C3orf49: variants seen among roughly 807,000 people sequenced by gnomAD.
C3orf49 encodes the protein chromosome 3 open reading frame 49.
A neutral mutation model predicts 13.3 loss-of-function variants in C3orf49; 27 were observed. That is an observed-to-expected ratio of 2.02 (90% CI 1.49 to 2.79). The LOEUF is 2.79. C3orf49 is among the 30% of genes most tolerant of loss of function. The pLI, the probability that C3orf49 is intolerant of heterozygous loss-of-function variation, is 0.00. For synonymous variants in C3orf49, 87 were observed against 47.6 expected (o/e 1.83, Z -3.40); for missense variants, 242 against 134.2 (o/e 1.80, Z -3.97).
the C3orf49 span, among the ~76,000 whole-genome samples, chr3:63,783,525 T>TACACACACAC: frequency 7.1e-3 from 933 of 132,008 alleles, 9 homozygotes; most frequent in East Asian, 0.016. Context: ...TACTAAAAAT[T>TACACACACAC]ACACACACAC....
At chr3:63,826,924 G>A (rs2130990) in intron 2 of C3orf49, 76,514 of 151,434 alleles carry the variant, frequency 0.51, 20,440 homozygotes, top group South Asian at 0.64. Context: ...ACTCCAGCCT[G>A]TGCGACAGAG....
At chr3:63,847,432 G>A (rs1330804118) in intron 6 of C3orf49, among the ~76,000 whole-genome samples, 1 of 152,094 alleles carries the variant, frequency 6.6e-6, no homozygotes, top group Non-Finnish European at 1.5e-5. Context: ...TCTCCAAAAA[G>A]CTATATCAGA....
chr3:63,805,549 C>T, the C3orf49 span, among the ~76,000 whole-genome samples: 1 of 152,202 alleles, frequency 6.6e-6, no homozygotes, highest in African/African-American at 2.4e-5. Flanking sequence ...GCTCAGCAAC[C>T]AGCATAAGCT....
chr3:63,841,058 C>G (rs1222003869), intron 5 of C3orf49, among the ~76,000 whole-genome samples: 3 of 152,166 alleles, frequency 2.0e-5, no homozygotes, highest in Non-Finnish European at 4.4e-5. Context: ...AATGATGAAA[C>G]ATTCACATAA....
chr3:63,827,845 G>C (rs910375995), intron 3 of C3orf49, 120 bp downstream of exon 3: 2 of 567,196 alleles, frequency 3.5e-6, no homozygotes, highest in African/African-American at 3.7e-5. Flanking sequence ...TAAATCTGCT[G>C]CTTCTGTCTC....
the C3orf49 span, among the ~76,000 whole-genome samples, chr3:63,793,463 A>C: frequency 6.6e-6 from 1 of 151,642 alleles, no homozygotes; most frequent in South Asian, 2.1e-4. Flanking sequence ...TTCTCTGGAC[A>C]ATTCCCTCTC....
the C3orf49 span, among the ~76,000 whole-genome samples, chr3:63,793,118 C>T: frequency 6.6e-6 from 1 of 152,122 alleles, no homozygotes; most frequent in African/African-American, 2.4e-5. Flanking sequence ...CCAAAGAGCT[C>T]TTTCTGTTCC....
the C3orf49 span, among the ~76,000 whole-genome samples, chr3:63,783,565 C>T: frequency 7.5e-6 from 1 of 134,108 alleles, no homozygotes; most frequent in Non-Finnish European, 1.6e-5. Flanking sequence ...CACACACACA[C>T]AAATTAGCCA....
intron 1 of C3orf49, among the ~76,000 whole-genome samples, chr3:63,822,919 A>G (rs1446215114): frequency 6.6e-6 from 1 of 152,238 alleles, no homozygotes; most frequent in African/African-American, 2.4e-5. Flanking sequence ...CAACAGTCAG[A>G]CCTGGATTAA....
At chr3:63,824,991 C>T (rs1053286497) in intron 2 of C3orf49, among the ~76,000 whole-genome samples, 3 of 152,242 alleles carry the variant, frequency 2.0e-5, no homozygotes, top group African/African-American at 2.4e-5. Flanking sequence ...TAGAGTGGTA[C>T]ATTTACAATC....
chr3:63,817,242 A>C (rs567806809), upstream of C3orf49, among the ~76,000 whole-genome samples: 1 of 151,968 alleles, frequency 6.6e-6, no homozygotes, highest in South Asian at 2.1e-4. Context: ...GCTCCATCTA[A>C]AGTCACTCCT....
intron 5 of C3orf49, chr3:63,834,277 T>G: frequency 7.3e-7 from 1 of 1,369,730 alleles, no homozygotes; most frequent in Non-Finnish European, 1.0e-6. Flanking sequence ...GAAAACATGT[T>G]TATCCTTTAT....
At chr3:63,786,607 T>C in the C3orf49 span, among the ~76,000 whole-genome samples, 7 of 152,258 alleles carry the variant, frequency 4.6e-5, no homozygotes, top group Admixed American at 2.6e-4. Flanking sequence ...TGAATTTGTA[T>C]GTGTAGGCAC....
chr3:63,789,475 T>G, the C3orf49 span, among the ~76,000 whole-genome samples: 1 of 152,148 alleles, frequency 6.6e-6, no homozygotes, highest in Non-Finnish European at 1.5e-5. Flanking sequence ...TTTGGGACTA[T>G]GTAGAGTAGA....
rs1701424443 is a variant in C3orf49 at position 63,823,415 on chromosome 3, G to T, written c.291G>T (p.Lys97Asn). The change falls in exon 2 of 7, where the codon AAG (lysine) becomes AAT (asparagine). Residue 97 changes from lysine (K) to asparagine (N), a missense_variant. By Grantham distance (94) the Lys-to-Asn change is moderately conservative (BLOSUM62 0). Coordinates refer to ENST00000295896, the MANE Select transcript of C3orf49 (RefSeq NM_001355236.2). Reference sequence around the variant, plus strand: ...CTTTTGGGAGGATGCTGTCCTACAAGTATAGAAGCAAGCCAGCATGTGCCA... The same window carrying T: ...CTTTTGGGAGGATGCTGTCCTACAATTATAGAAGCAAGCCAGCATGTGCCA... ...KTAFGRMLSY[K>N]YRSKPACASQ... 1 of 703,254 alleles carries T rather than the reference G, an allele frequency of 1.4e-6. No individual in the cohort carries two copies. Among genetic ancestry groups the T allele is most frequent in the East Asian group, 2.7e-5 (1 of 37,284 alleles). The allele number at this position is 703,254 out of a possible 1,614,324, so 43.6% of individuals were successfully genotyped here.
At chr3:63,825,068 T>C (rs890470623) in intron 2 of C3orf49, among the ~76,000 whole-genome samples, 2 of 152,190 alleles carry the variant, frequency 1.3e-5, no homozygotes, top group Admixed American at 1.3e-4. Flanking sequence ...GTTCCCCCTT[T>C]ATATTGTGCA....
At chr3:63,824,719 A>G (rs977821537) in intron 2 of C3orf49, among the ~76,000 whole-genome samples, 3 of 151,822 alleles carry the variant, frequency 2.0e-5, no homozygotes, top group Non-Finnish European at 2.9e-5. Flanking sequence ...ATGTGCCCGT[A>G]GTCCCTACTA....
chr3:63,782,716 A>C, the C3orf49 span: 1 of 152,344 alleles, frequency 6.6e-6, no homozygotes, highest in East Asian at 1.9e-4. Flanking sequence ...TTAAGGACTA[A>C]ATCAGTCGAG....
At chr3:63,788,740 A>AT in the C3orf49 span, among the ~76,000 whole-genome samples, 1 of 151,780 alleles carries the variant, frequency 6.6e-6, no homozygotes, top group Non-Finnish European at 1.5e-5. Context: ...AAAAAAAAAA[A>AT]CAAAAAAAAC....
Sources: gnomAD v4.1 joint callset for allele counts (sites outside exome capture counted in the v4.1 genomes callset) on GRCh38, gnomAD v4.1.1 for gene constraint, MANE v1.5 for transcripts, NCBI Gene and HGNC (gene_info 2026-07-23, HGNC 2026-07-21) for gene names.